Variants in DEPDC5 observed in about 807,000 individuals in gnomAD.
DEPDC5 encodes the protein DEP domain containing 5, GATOR1 subcomplex subunit.
In DEPDC5, 73 loss-of-function variants were observed where a neutral mutation model predicts 217.3. That is an observed-to-expected ratio of 0.34 (90% confidence interval 0.28 to 0.41). DEPDC5 has a LOEUF of 0.41. Among genes scored for constraint, DEPDC5 ranks in the 10% least tolerant of loss-of-function variants. DEPDC5 has a pLI of 1.00. For synonymous variants in DEPDC5, 733 were observed against 756.7 expected (o/e 0.97, Z 0.51); for missense variants, 1,675 against 2,070.1 (o/e 0.81, Z 3.70).
chr22:31,829,486 C>A (rs1486229397), intron 24 of DEPDC5, among the ~76,000 whole-genome samples: 1 of 151,968 alleles, frequency 6.6e-6, no homozygotes, highest in Non-Finnish European at 1.5e-5. Context: ...GAGCCAAGAT[C>A]ATGCCATTGC....
chr22:31,792,750 T>C lies in DEPDC5; in HGVS notation c.700T>C (p.Phe234Leu). The C allele has an allele frequency of 6.5e-7, 1 of 1,545,040 alleles. No homozygotes were observed. Among genetic ancestry groups the C allele is most frequent in the Non-Finnish European group, 8.6e-7 (1 of 1,156,300 alleles). Residue 234 changes from phenylalanine (F) to leucine (L), a missense_variant, in exon 12 of 43, where the codon TTT becomes CTT. Phe to Leu is a conservative substitution (Grantham distance 22). Coordinates refer to ENST00000651528, the MANE Select transcript of DEPDC5 (RefSeq NM_001242896.3). Reference sequence around the variant, plus strand: ...CTCCGTTTTCTCTATTTCAGATGAATTTCCTGAAATAAACCGAGCCTCAAT... The same window carrying C: ...CTCCGTTTTCTCTATTTCAGATGAACTTCCTGAAATAAACCGAGCCTCAAT... The part of the protein sequence containing the change: ...TFYDAKSVDE[F>L]PEINRASIRQ...
chr22:31,824,556 AC>A, intron 24 of DEPDC5, among the ~76,000 whole-genome samples: 1 of 152,278 alleles, frequency 6.6e-6, no homozygotes, highest in East Asian at 1.9e-4. Flanking sequence ...TAACCTACTT[AC>A]CAGCATTCAT....
chr22:31,873,789 CTTTTTTTTTT>C (rs796650383), intron 35 of DEPDC5: 10 of 114,712 alleles, frequency 8.7e-5, no homozygotes, highest in Middle Eastern at 5.3e-3. Flanking sequence ...ACAACTTCTT[CTTTTTTTTTT>C]TTTTTTTTTT....
At chr22:31,840,053 G>A (rs1296989316) in intron 27 of DEPDC5, among the ~76,000 whole-genome samples, 2 of 152,160 alleles carry the variant, frequency 1.3e-5, no homozygotes, top group East Asian at 1.9e-4. Flanking sequence ...ACTCTGCCTG[G>A]CTGGGGAGAG....
intron 31 of DEPDC5, among the ~76,000 whole-genome samples, chr22:31,847,940 C>G (rs1042474782): frequency 6.6e-6 from 1 of 152,212 alleles, no homozygotes; most frequent in African/African-American, 2.4e-5. Flanking sequence ...TTCCTTGATA[C>G]AATGGGGTAT....
At chr22:31,782,426 C>T (rs969749150) in intron 8 of DEPDC5, among the ~76,000 whole-genome samples, 4 of 152,302 alleles carry the variant, frequency 2.6e-5, no homozygotes, top group East Asian at 1.9e-4. Flanking sequence ...TGTCAGCCAT[C>T]GTGCCCGGCC....
At chr22:31,867,794 C>A (rs1022472120) in intron 33 of DEPDC5, among the ~76,000 whole-genome samples, 2 of 152,156 alleles carry the variant, frequency 1.3e-5, no homozygotes, top group Non-Finnish European at 2.9e-5. Context: ...CCCCCTACCC[C>A]GGCTCCCACC....
intron 25 of DEPDC5, 40 bp from the exon 26 acceptor site, chr22:31,836,932 G>A (rs756311864): frequency 1.6e-5 from 24 of 1,477,124 alleles, no homozygotes; most frequent in Non-Finnish European, 2.2e-5. Flanking sequence ...CACTTGCCAT[G>A]GTGACCACAT....
chr22:31,902,486 G>A (rs1192583940), intron 41 of DEPDC5, among the ~76,000 whole-genome samples: 1 of 146,282 alleles, frequency 6.8e-6, no homozygotes, highest in Non-Finnish European at 1.5e-5. Context: ...TCACACCCAC[G>A]ATGGCCCCAG....
At chr22:31,875,223 C>G (rs2092956663) in intron 36 of DEPDC5, 1 of 167,002 alleles carries the variant, frequency 6.0e-6, no homozygotes, top group South Asian at 2.1e-4. Flanking sequence ...TTTTGCACAG[C>G]CTTTGCCGTA....
Position 31,783,311 on chromosome 22 carries a change from GAGCAA to G in DEPDC5, c.484-593_484-589del, listed in dbSNP as rs530424615. 1.6e-4 allele frequency among the ~76,000 whole-genome samples: 24 copies of G among 152,224 alleles called. No homozygotes were observed. In the East Asian group the frequency reaches 4.6e-3, roughly 29 times the overall value. On this transcript the variant is annotated intron_variant, in intron 8 of 42. Coordinates refer to ENST00000651528, the MANE Select transcript of DEPDC5 (RefSeq NM_001242896.3). ...TATCTTGCTGCTGCTCACTGTTGGT[GAGCAA>G]AGGTGGTCCGTGCCACCTTTAACAG...
At chr22:31,783,123 A>G (rs1166973597) in intron 8 of DEPDC5, among the ~76,000 whole-genome samples, 5 of 152,148 alleles carry the variant, frequency 3.3e-5, no homozygotes, top group Admixed American at 2.0e-4. Flanking sequence ...AAATGCACCA[A>G]TCAGCACTCT....
At chr22:31,817,480 G>T in intron 21 of DEPDC5, 2 of 470,178 alleles carry the variant, frequency 4.3e-6, no homozygotes, top group Admixed American at 2.2e-5. Context: ...GCAGTTTCAT[G>T]GGTGGTTTCT....
At chr22:31,779,816 G>A (rs1275603744) in intron 8 of DEPDC5, among the ~76,000 whole-genome samples, 1 of 152,018 alleles carries the variant, frequency 6.6e-6, no homozygotes, top group Non-Finnish European at 1.5e-5. Context: ...CTATCCTCAG[G>A]GTAGGAATTC....
At chr22:31,812,420 CTTTTTTTTTTTTT>C (rs57618137) in intron 20 of DEPDC5, among the ~76,000 whole-genome samples, 2 of 98,288 alleles carry the variant, frequency 2.0e-5, no homozygotes, top group African/African-American at 4.4e-5. Context: ...TTCCATATTT[CTTTTTTTTTTTTT>C]TTTTTTTTTG....
chr22:31,865,643 G>T (rs1459457086), intron 33 of DEPDC5, among the ~76,000 whole-genome samples: 1 of 152,206 alleles, frequency 6.6e-6, no homozygotes, highest in Non-Finnish European at 1.5e-5. Context: ...GCTGGGTGTA[G>T]GGCTGTGCCA....
At chr22:31,828,858 C>G (rs557762338) in intron 24 of DEPDC5, among the ~76,000 whole-genome samples, 1 of 152,340 alleles carries the variant, frequency 6.6e-6, no homozygotes, top group South Asian at 2.1e-4. Flanking sequence ...TTGGGATTCT[C>G]TTTCAAGCAA....
intron 2 of DEPDC5, 109 bp downstream of exon 2, chr22:31,755,088 G>A (rs917379571): frequency 4.5e-5 from 54 of 1,204,818 alleles, no homozygotes; most frequent in Middle Eastern, 3.9e-4. Flanking sequence ...CTAAACAGGC[G>A]ACTAAACAGA....
At chr22:31,847,191 C>T (rs1268677817) in intron 31 of DEPDC5, among the ~76,000 whole-genome samples, 1 of 152,140 alleles carries the variant, frequency 6.6e-6, no homozygotes, top group Non-Finnish European at 1.5e-5. Flanking sequence ...TAATTACAGA[C>T]TCATTTAATT....
Sources: allele counts gnomAD v4.1 joint callset (sites outside exome capture counted in the v4.1 genomes callset), GRCh38; gene constraint gnomAD v4.1.1; transcripts MANE v1.5; gene names NCBI Gene and HGNC (gene_info 2026-07-23, HGNC 2026-07-21).